CFAP157: variants seen among roughly 807,000 people sequenced by gnomAD.
The protein encoded by CFAP157 is cilia- and flagella-associated protein 157.
CFAP157 carries 43 observed loss-of-function variants against 57.8 expected under a neutral mutation model. That is an observed-to-expected ratio of 0.74 (90% CI 0.58 to 0.96). The LOEUF is 0.96. Among genes scored for constraint, CFAP157 ranks in the 40% least tolerant of loss-of-function variants. The pLI is 0.00. For missense variants in CFAP157, 606 were observed against 655.3 expected, an observed-to-expected ratio of 0.92 and a Z score of 0.82; for synonymous variants, 267 against 269.0, an observed-to-expected ratio of 0.99 and a Z score of 0.07.
rs1269520948 is a variant in CFAP157 at position 127,712,755 on chromosome 9, C to T, written c.1184C>T (p.Pro395Leu). 1.9e-6 allele frequency: 3 copies of T among 1,614,224 alleles called. No individual in the cohort carries two copies. The Admixed American group carries it at 5.0e-5, about 27-fold the overall frequency. ...AGTGACGTTGACGTGACGTTCCAGCCATGGCACAAGGAGATGCTGCAGCAA... is the reference window on the plus strand; with the variant it reads ...AGTGACGTTGACGTGACGTTCCAGCTATGGCACAAGGAGATGCTGCAGCAA... ...EDSDVDVTFQPWHKEMLQQLL... is the reference protein window; with the variant it reads ...EDSDVDVTFQLWHKEMLQQLL... Residue 395 changes from proline (P) to leucine (L), a missense_variant, in exon 7 of 9, where the codon CCA becomes CTA. Transcript: ENST00000373295.
rs1441463314 is a variant in CFAP157 at position 127,715,788 on chromosome 9, C to T, written c.*1883C>T. 4.8e-6 allele frequency: 7 copies of T among 1,472,994 alleles called. No homozygotes were observed. The Admixed American group carries it at 1.0e-4, about 21-fold the overall frequency. The allele number at this position is 1,472,994 out of a possible 1,614,324, so 91.2% of individuals were successfully genotyped here. ...CTTCTGAGGGGCGGAAGCGGCGAGGCGGTGGCCGAGTCCGGGAACCCAGGC... is the reference window on the plus strand; with the variant it reads ...CTTCTGAGGGGCGGAAGCGGCGAGGTGGTGGCCGAGTCCGGGAACCCAGGC... On this transcript the variant is annotated 3_prime_UTR_variant, in exon 9 of 9. Transcript: ENST00000373295. The surrounding 1 kb of genome is among the most constrained non-coding windows in gnomAD (Gnocchi z 5.8).
rs761653670 is a variant in CFAP157, at chr9:127,715,676, C to T, written c.*1771C>T. On this transcript the variant is annotated 3_prime_UTR_variant, in exon 9 of 9. Coordinates refer to ENST00000373295, the MANE Select transcript of CFAP157 (RefSeq NM_001012502.3). The surrounding 1 kb of genome is among the most constrained non-coding windows in gnomAD (Gnocchi z 5.8). Reference sequence around the variant, plus strand: ...TCACTCCGACACCGCCCCCTGACGTCATCACCCCGCAGCAGCCAATCGTGT... The same window carrying T: ...TCACTCCGACACCGCCCCCTGACGTTATCACCCCGCAGCAGCCAATCGTGT... 4 of 1,597,600 alleles carry T rather than the reference C, an allele frequency of 2.5e-6. No individual in the cohort carries two copies. Among genetic ancestry groups the T allele is most frequent in the Non-Finnish European group, 3.4e-6 (4 of 1,174,980 alleles).
rs1273892091 is a variant in CFAP157, at chr9:127,710,730, A to AGAAGT, written c.564_568dup (p.Ser190Ter). On this transcript the variant is annotated frameshift_variant, in exon 3 of 9. Transcript: ENST00000373295. LOFTEE classifies it high-confidence loss of function. ...AGGGACTATGCATACAACCTGGAGAAGAAGTCGGTGCTGGACAAGGACAGG... is the reference window on the plus strand; with the variant it reads ...AGGGACTATGCATACAACCTGGAGAAGAAGTGAAGTCGGTGCTGGACAAGGACAGG... The AGAAGT allele has an allele frequency of 3.8e-6, 6 of 1,568,866 alleles. No homozygotes were observed. The Admixed American group carries it at 9.5e-5, about 25-fold the overall frequency.
chr9:127,715,535 G>T lies in CFAP157; in HGVS notation c.*1630G>T. 6.2e-7 allele frequency: 1 copy of T among 1,613,376 alleles called. No individual in the cohort carries two copies. The highest frequency in any genetic ancestry group is 1.7e-5 in the Admixed American group (1 of 60,022). The stretch of plus-strand genomic sequence containing the variant: ...GGGAGCCCCTACGTCGCCGCCCCAC[G>T]CCACTCACCATCCACCGCTTCCCCG... On this transcript the variant is annotated 3_prime_UTR_variant, in exon 9 of 9. Coordinates refer to ENST00000373295, the MANE Select transcript of CFAP157 (RefSeq NM_001012502.3). The surrounding 1 kb of genome is among the most constrained non-coding windows in gnomAD (Gnocchi z 5.8).
Position 127,714,615 on chromosome 9 carries a change from C to A in CFAP157, c.*710C>A, listed in dbSNP as rs959512119. 1 of 1,613,974 alleles carries A rather than the reference C, an allele frequency of 6.2e-7. No individual in the cohort carries two copies. Among genetic ancestry groups the A allele is most frequent in the Middle Eastern group, 1.6e-4 (1 of 6,062 alleles). ...CTCAGGACCTCACCTGGCACTGCCC[C>A]CCAGCTTCAGAGCCAGTCTCCCCAG... is the stretch of plus-strand genomic sequence containing the variant. On this transcript the variant is annotated 3_prime_UTR_variant, in exon 9 of 9. Transcript: ENST00000373295.
chr9:127,715,290 A>T lies in CFAP157; in HGVS notation c.*1385A>T. 7.2e-7 allele frequency: 1 copy of T among 1,393,988 alleles called. No individual in the cohort carries two copies. The highest frequency in any genetic ancestry group is 2.5e-5 in the East Asian group (1 of 40,248). The allele number at this position is 1,393,988 out of a possible 1,614,324, so 86.4% of individuals were successfully genotyped here. On this transcript the variant is annotated 3_prime_UTR_variant, in exon 9 of 9. Coordinates refer to ENST00000373295, the MANE Select transcript of CFAP157 (RefSeq NM_001012502.3). The surrounding 1 kb of genome is among the most constrained non-coding windows in gnomAD (Gnocchi z 5.8). ...CCCCAACGCAGAGGAGCGGAAACGC[A>T]GAGCAACGCTGCAGTGGGGAAGGGG...
At chr9:127,712,625 A>C in intron 6 of CFAP157, 84 bp from the exon 7 acceptor site, 1 of 1,609,406 alleles carries the variant, frequency 6.2e-7, no homozygotes, top group South Asian at 1.1e-5. Flanking sequence ...CTTCGTGGAA[A>C]TGGGCACTGA....
chr9:127,711,189 C>T (rs773217394), intron 3 of CFAP157, 40 bp from the exon 4 acceptor site: 41 of 1,598,940 alleles, frequency 2.6e-5, no homozygotes, highest in African/African-American at 6.7e-5. Context: ...GGCTTGTGCC[C>T]GCTCTGTCTG....
At chr9:127,710,489 C>A in intron 2 of CFAP157, 112 bp from the exon 3 acceptor site, 1 of 1,333,056 alleles carries the variant, frequency 7.5e-7, no homozygotes, top group South Asian at 1.4e-5. Flanking sequence ...CCACTGAGAC[C>A]ACACAGGGCG....
chr9:127,711,714 G>A (rs1023411684), intron 4 of CFAP157, 106 bp from the exon 5 acceptor site: 1 of 1,327,948 alleles, frequency 7.5e-7, no homozygotes, highest in Non-Finnish European at 1.0e-6. Context: ...TCCAGCCCTG[G>A]AGAGCTCACT....
Position 127,714,261 on chromosome 9 carries a change from C to T in CFAP157, c.*356C>T. The T allele has an allele frequency of 6.2e-7, 1 of 1,613,914 alleles. No homozygotes were observed. The highest frequency in any genetic ancestry group is 8.5e-7 in the Non-Finnish European group (1 of 1,179,926). ...TCAGGGTGCGCCGGGCGCCCGATAC[C>T]CACCCGCAGCCTTGGCATTGCCTGT... On this transcript the variant is annotated 3_prime_UTR_variant, in exon 9 of 9. Coordinates refer to ENST00000373295, the MANE Select transcript of CFAP157 (RefSeq NM_001012502.3).
chr9:127,708,492 AATTT>A (rs543880888), intron 1 of CFAP157, among the ~76,000 whole-genome samples: 4 of 151,186 alleles, frequency 2.6e-5, no homozygotes, highest in African/African-American at 9.6e-5. Flanking sequence ...TTAATTAATT[AATTT>A]AATTTAATTA....
Position 127,715,877 on chromosome 9 carries a change from C to T in CFAP157, c.*1972C>T, listed in dbSNP as rs2131604949. ...TTGTGTGGGACGCTCGGAGCTCTTG[C>T]TTGACCTTCGGTTGGGAGGCCTTGT... On this transcript the variant is annotated 3_prime_UTR_variant, in exon 9 of 9. Transcript: ENST00000373295. The surrounding 1 kb of genome is among the most constrained non-coding windows in gnomAD (Gnocchi z 5.8). The T allele has an allele frequency of 1.2e-6, 1 of 860,930 alleles. No homozygotes were observed. Among genetic ancestry groups the T allele is most frequent in the Middle Eastern group, 3.2e-4 (1 of 3,100 alleles). 53.3% of individuals were successfully genotyped at this position (860,930 alleles called of 1,614,324 possible).
rs1364410259 is a variant in CFAP157 at position 127,715,674 on chromosome 9, G to A, written c.*1769G>A. 6.2e-6 allele frequency: 10 copies of A among 1,600,772 alleles called. No individual in the cohort carries two copies. The highest frequency in any genetic ancestry group is 7.7e-6 in the Non-Finnish European group (9 of 1,176,168). On this transcript the variant is annotated 3_prime_UTR_variant, in exon 9 of 9. Coordinates refer to ENST00000373295, the MANE Select transcript of CFAP157 (RefSeq NM_001012502.3). The surrounding 1 kb of genome is among the most constrained non-coding windows in gnomAD (Gnocchi z 5.8). ...ATTCACTCCGACACCGCCCCCTGAC[G>A]TCATCACCCCGCAGCAGCCAATCGT...
Position 127,714,920 on chromosome 9 carries a change from G to GCCCCCACCCCCCC in CFAP157, c.*1019_*1020insCACCCCCCCCCCC. ...GCCAGTGCTCCCCTCTGGCCCCCGC[G>GCCCCCACCCCCCC]CCCCAACCCCCACCCCCTTGGCCCG... is the stretch of plus-strand genomic sequence containing the variant. On this transcript the variant is annotated 3_prime_UTR_variant, in exon 9 of 9. Coordinates refer to ENST00000373295, the MANE Select transcript of CFAP157 (RefSeq NM_001012502.3). 8.8e-6 allele frequency: 4 copies of GCCCCCACCCCCCC among 454,976 alleles called. No individual in the cohort carries two copies. The highest frequency in any genetic ancestry group is 4.5e-5 in the East Asian group (1 of 22,316). The allele number at this position is 454,976 out of a possible 1,614,324, so 28.2% of individuals were successfully genotyped here.
chr9:127,709,363 C>CA lies in CFAP157; in HGVS notation c.162-58dup, dbSNP rs1842711685. The CA allele has an allele frequency of 6.4e-7, 1 of 1,563,316 alleles. No individual in the cohort carries two copies. Among genetic ancestry groups the CA allele is most frequent in the East Asian group, 2.3e-5 (1 of 43,236 alleles). ...GAGTCCAGGAGAGTGGGCCCAGCTG[C>CA]ACCAGAGGCCTGGCTTGCCCAGCCT... On this transcript the variant is annotated intron_variant, in intron 1 of 8. Coordinates refer to ENST00000373295, the MANE Select transcript of CFAP157 (RefSeq NM_001012502.3). The surrounding 1 kb of genome is among the most constrained non-coding windows in gnomAD (Gnocchi z 4.7).
Position 127,707,120 on chromosome 9 carries a change from A to G in CFAP157, c.89A>G (p.Glu30Gly). 1 of 1,613,600 alleles carries G rather than the reference A, an allele frequency of 6.2e-7. No homozygotes were observed. The highest frequency in any genetic ancestry group is 8.5e-7 in the Non-Finnish European group (1 of 1,179,970). Residue 30 changes from glutamate (E) to glycine (G), a missense_variant, in exon 1 of 9, where the codon GAG becomes GGG. Glu to Gly is a moderately conservative substitution (Grantham distance 98, BLOSUM62 -2). Transcript: ENST00000373295. ...AAGAAGGAGCCGGTGGTGGCCGTGG[A>G]GCCGCCTCTGGCCAAGGAGATGAAG... ...GGKKEPVVAV[E>G]PPLAKEMKEF...
In CFAP157 at chr9:127,714,498, G is replaced by T; in HGVS notation, c.*593G>T. ...CTTCCACCCCTCCCTGCCCCGGCTG[G>T]GTCAGAGCAGCCCATTTCCTGTGGA... On this transcript the variant is annotated 3_prime_UTR_variant, in exon 9 of 9. Coordinates refer to ENST00000373295, the MANE Select transcript of CFAP157 (RefSeq NM_001012502.3). 1 of 1,603,286 alleles carries T rather than the reference G, an allele frequency of 6.2e-7. No homozygotes were observed. Among genetic ancestry groups the T allele is most frequent in the South Asian group, 1.1e-5 (1 of 90,818 alleles).
chr9:127,710,292 A>AC (rs201891415), intron 2 of CFAP157, among the ~76,000 whole-genome samples: 2 of 147,752 alleles, frequency 1.4e-5, no homozygotes, highest in African/African-American at 5.4e-5. Flanking sequence ...CAAAAAAAAA[A>AC]AAAAAAACAA....
Sources: allele counts gnomAD v4.1 joint callset (sites outside exome capture counted in the v4.1 genomes callset), GRCh38; gene constraint gnomAD v4.1.1; non-coding constraint Gnocchi (gnomAD v3.1); transcripts MANE v1.5; gene names NCBI Gene and HGNC (gene_info 2026-07-23, HGNC 2026-07-21).